EFHC2: variants seen among roughly 807,000 people sequenced by gnomAD.
EFHC2 encodes the protein EF-hand domain-containing family member C2.
EFHC2 carries 18 observed loss-of-function variants against 52.7 expected under a neutral mutation model. The observed-to-expected ratio is 0.34, with a 90% CI of 0.24 to 0.51. The LOEUF is 0.51. EFHC2 is among the 20% of genes least tolerant of loss of function. The pLI, the probability that EFHC2 is intolerant of heterozygous loss-of-function variation, is 0.97. For missense variants in EFHC2, 513 were observed against 562.5 expected (o/e 0.91, Z 0.89); for synonymous variants, 203 against 204.1 (o/e 0.99, Z 0.04).
intron 8 of EFHC2, among the ~76,000 whole-genome samples, chrX:44,238,519 A>G (rs1331199801): frequency 1.8e-5 from 2 of 111,380 alleles, no homozygotes; most frequent in Admixed American, 1.9e-4. Context: ...AAGCATCCTT[A>G]AACAGTCTGT....
At chrX:44,169,104 G>A (rs944952419) in intron 13 of EFHC2, among the ~76,000 whole-genome samples, 28 of 111,314 alleles carry the variant, frequency 2.5e-4, no homozygotes, top group Admixed American at 7.7e-4. Flanking sequence ...AGGAATATCT[G>A]GATGAAAAAC....
chrX:44,319,223 A>G (rs1239181402), intron 1 of EFHC2, among the ~76,000 whole-genome samples: 2 of 109,697 alleles, frequency 1.8e-5, no homozygotes, highest in African/African-American at 6.7e-5. Flanking sequence ...GGCTGGTCTC[A>G]AACTCCCAGG....
At chrX:44,303,524 A>G (rs145923265) in intron 2 of EFHC2, among the ~76,000 whole-genome samples, 163 of 110,208 alleles carry the variant, frequency 1.5e-3, no homozygotes, top group African/African-American at 5.1e-3. Flanking sequence ...CACAAGCCCA[A>G]ATCCTATAAT....
chrX:44,323,683 T>G (rs1433845210), intron 1 of EFHC2, among the ~76,000 whole-genome samples: 1 of 111,510 alleles, frequency 9.0e-6, no homozygotes, highest in Non-Finnish European at 1.9e-5. Context: ...CTGCTAGTAT[T>G]TCTAAAGGAG....
intron 14 of EFHC2, among the ~76,000 whole-genome samples, chrX:44,150,079 G>A (rs1254356163): frequency 8.9e-6 from 1 of 111,891 alleles, no homozygotes; most frequent in Admixed American, 9.5e-5. Context: ...TCATACATAT[G>A]GTTGCTTATA....
intron 4 of EFHC2, among the ~76,000 whole-genome samples, chrX:44,256,176 C>T (rs2037490289): frequency 9.0e-6 from 1 of 111,695 alleles, no homozygotes; most frequent in Non-Finnish European, 1.9e-5. Context: ...TAAATGCCCA[C>T]AGGAGAAAGT....
At chrX:44,209,266 T>C (rs1478940442) in intron 11 of EFHC2, among the ~76,000 whole-genome samples, 1 of 111,241 alleles carries the variant, frequency 9.0e-6, no homozygotes, top group East Asian at 2.8e-4. Flanking sequence ...AATTCAAGTA[T>C]AATTAAAAAT....
At chrX:44,259,007 T>A (rs1394542592) in intron 4 of EFHC2, among the ~76,000 whole-genome samples, 1 of 111,411 alleles carries the variant, frequency 9.0e-6, no homozygotes, top group Non-Finnish European at 1.9e-5. Context: ...CTTAAGGATC[T>A]AGAACCAGAA....
chrX:44,247,775 T>C (rs1031284301), intron 7 of EFHC2, among the ~76,000 whole-genome samples: 1 of 111,561 alleles, frequency 9.0e-6, no homozygotes, highest in Admixed American at 9.5e-5. Flanking sequence ...TGAACTGAAC[T>C]AACCTTACTG....
intron 14 of EFHC2, among the ~76,000 whole-genome samples, chrX:44,154,072 T>G (rs1422941296): frequency 8.9e-6 from 1 of 112,636 alleles, no homozygotes; most frequent in South Asian, 3.7e-4. Flanking sequence ...CTCCTGGCAG[T>G]GCAGGTTTGG....
intron 2 of EFHC2, among the ~76,000 whole-genome samples, chrX:44,299,955 T>A (rs139275882): frequency 8.9e-5 from 10 of 111,911 alleles, no homozygotes; most frequent in Middle Eastern, 4.6e-3. Flanking sequence ...TTAAAAAAAA[T>A]TTTTTTAAGA....
chrX:44,257,479 C>T (rs935974484), intron 4 of EFHC2, among the ~76,000 whole-genome samples: 4 of 111,800 alleles, frequency 3.6e-5, no homozygotes, highest in Non-Finnish European at 7.5e-5. Flanking sequence ...AAATCACAAG[C>T]ATTCCTGTAC....
intron 11 of EFHC2, among the ~76,000 whole-genome samples, chrX:44,224,373 T>C (rs2037215596): frequency 8.9e-6 from 1 of 111,999 alleles, no homozygotes. Flanking sequence ...CTGTGTCCTA[T>C]GTATTACTAT....
At chrX:44,182,010 C>T (rs2036839223) in intron 11 of EFHC2, among the ~76,000 whole-genome samples, 2 of 112,140 alleles carry the variant, frequency 1.8e-5, no homozygotes, top group African/African-American at 6.5e-5. Context: ...ATAACCACCA[C>T]CTCTATCTAG....
intron 9 of EFHC2, among the ~76,000 whole-genome samples, chrX:44,235,072 C>A (rs1323747156): frequency 1.8e-5 from 2 of 110,754 alleles, no homozygotes; most frequent in Admixed American, 1.9e-4. Context: ...AGGAGGTAAC[C>A]CCAGGTCTCC....
intron 11 of EFHC2, among the ~76,000 whole-genome samples, chrX:44,181,949 A>T (rs1718834296): frequency 8.9e-6 from 1 of 112,785 alleles, no homozygotes; most frequent in African/African-American, 3.2e-5. Flanking sequence ...GGTAAAATAC[A>T]CATAGCATAA....
intron 3 of EFHC2, among the ~76,000 whole-genome samples, chrX:44,265,308 A>T (rs1222269507): frequency 9.0e-6 from 1 of 110,979 alleles, no homozygotes; most frequent in African/African-American, 3.3e-5. Flanking sequence ...GTCTCACATC[A>T]TTGCCCAGGC....
intron 14 of EFHC2, among the ~76,000 whole-genome samples, chrX:44,149,524 A>T (rs1374797248): frequency 1.8e-5 from 2 of 111,128 alleles, no homozygotes; most frequent in African/African-American, 6.5e-5. Context: ...TTATTTTATT[A>T]TTTTTTTTAA....
At chrX:44,279,594 TATA>T (rs2037686603) in intron 2 of EFHC2, among the ~76,000 whole-genome samples, 1 of 111,283 alleles carries the variant, frequency 9.0e-6, no homozygotes, top group Non-Finnish European at 1.9e-5. Flanking sequence ...TAAATTATCT[TATA>T]ATAATCATGC....
Sources: allele counts gnomAD v4.1 joint callset (sites outside exome capture counted in the v4.1 genomes callset), GRCh38; gene constraint gnomAD v4.1.1; transcripts MANE v1.5; gene names NCBI Gene and HGNC (gene_info 2026-07-23, HGNC 2026-07-21).